The following CREB3L1 variants were observed in gnomAD, a reference collection of about 807,000 sequenced individuals.
The protein encoded by CREB3L1 is cyclic AMP-responsive element-binding protein 3-like protein 1.
Under a neutral mutation model 54.5 loss-of-function variants are expected in CREB3L1, and 33 were observed. The observed-to-expected ratio is 0.61, with a 90% CI of 0.46 to 0.81. The LOEUF (loss-of-function observed/expected upper bound fraction) is 0.81. Among genes scored for constraint, CREB3L1 ranks in the 30% least tolerant of loss-of-function variants. The pLI, the probability that CREB3L1 is intolerant of heterozygous loss-of-function variation, is 0.00. For missense variants in CREB3L1, 656 were observed against 673.3 expected, an observed-to-expected ratio of 0.97 and a Z score of 0.29; for synonymous variants, 284 against 286.4, an observed-to-expected ratio of 0.99 and a Z score of 0.08.
At chr11:46,320,176 G>T in intron 10 of CREB3L1, 88 bp from the exon 11 acceptor site, 1 of 1,388,540 alleles carries the variant, frequency 7.2e-7, no homozygotes, top group Non-Finnish European at 9.7e-7. Flanking sequence ...CAGATCCAGG[G>T]CCTGCGTCCT....
rs1192012397 is a variant in CREB3L1, at chr11:46,312,313, T to C, written c.754-12T>C. 3 of 1,574,732 alleles carry C rather than the reference T, an allele frequency of 1.9e-6. No homozygotes were observed. The highest frequency in any genetic ancestry group is 4.7e-5 in the East Asian group (2 of 42,874). ...TGCCTGGCTCCTAACTACCACATCA[T>C]ACTTCCTACAGAAATTACAGGGGAC... On this transcript the variant is annotated splice_polypyrimidine_tract_variant and intron_variant, in intron 5 of 11. Coordinates refer to ENST00000621158, the MANE Select transcript of CREB3L1 (RefSeq NM_052854.4).
At chr11:46,297,353 C>T (rs1029168747) in intron 1 of CREB3L1, among the ~76,000 whole-genome samples, 1 of 152,246 alleles carries the variant, frequency 6.6e-6, no homozygotes, top group African/African-American at 2.4e-5. Context: ...AATTGGTATG[C>T]TGATGGCATT....
chr11:46,279,364 G>T (rs72910039), intron 1 of CREB3L1, among the ~76,000 whole-genome samples: 3 of 152,034 alleles, frequency 2.0e-5, no homozygotes, highest in Admixed American at 1.3e-4. Context: ...GACAGGAGCC[G>T]GAGTCAAGGA....
At chr11:46,316,521 G>C (rs898341366) in intron 9 of CREB3L1, 136 bp downstream of exon 9, 1 of 638,392 alleles carries the variant, frequency 1.6e-6, no homozygotes, top group Non-Finnish European at 2.8e-6. Context: ...CCTGGCGCCT[G>C]GTGGGCTGGT....
chr11:46,284,397 T>A (rs1351299346), intron 1 of CREB3L1, among the ~76,000 whole-genome samples: 28 of 152,120 alleles, frequency 1.8e-4, no homozygotes, highest in Admixed American at 1.8e-3. Flanking sequence ...ATGCCCATAA[T>A]ACCAACACTT....
rs949473326 is a variant in CREB3L1 at position 46,307,672 on chromosome 11, C to T, written c.332-144C>T. 3 of 575,572 alleles carry T rather than the reference C, an allele frequency of 5.2e-6. No individual in the cohort carries two copies. In the African/African-American group the frequency reaches 5.7e-5, roughly 11 times the overall value. The allele number at this position is 575,572 out of a possible 1,614,324, so 35.7% of individuals were successfully genotyped here. ...CTTCTGGCCCCAGACAACTCCTCCTCACCTCACAACCACCCTCTTTCCTGC... is the reference window on the plus strand; with the variant it reads ...CTTCTGGCCCCAGACAACTCCTCCTTACCTCACAACCACCCTCTTTCCTGC... On this transcript the variant is annotated intron_variant, in intron 2 of 11. Transcript: ENST00000621158.
intron 1 of CREB3L1, among the ~76,000 whole-genome samples, chr11:46,285,365 C>T (rs1939040885): frequency 6.6e-6 from 1 of 152,106 alleles, no homozygotes; most frequent in Non-Finnish European, 1.5e-5. Flanking sequence ...TGAGCTGGAA[C>T]TCTGTGTAAC....
chr11:46,283,581 G>GT (rs1255363757), intron 1 of CREB3L1, among the ~76,000 whole-genome samples: 1 of 152,036 alleles, frequency 6.6e-6, no homozygotes, highest in African/African-American at 2.4e-5. Flanking sequence ...GGGAAAAATT[G>GT]TTTTAAAAAA....
chr11:46,316,564 A>G (rs1389655753), intron 9 of CREB3L1, among the ~76,000 whole-genome samples, 179 bp downstream of exon 9: 4 of 152,092 alleles, frequency 2.6e-5, no homozygotes, highest in East Asian at 1.9e-4. Flanking sequence ...CTCCAAGCCC[A>G]TGGTGCCTTC....
Position 46,290,663 on chromosome 11 carries a change from C to A in CREB3L1, c.103-9272C>A, listed in dbSNP as rs117516871. On this transcript the variant is annotated intron_variant, in intron 1 of 11. Transcript: ENST00000621158. ...TCTGACAATCCCTTCAGAGGACTAA[C>A]AGGGAGCCTGACTGTGGCACGGTGC... Among the ~76,000 whole-genome samples the A allele has an allele frequency of 8.9e-3, 1,357 of 151,954 alleles. 13 individuals are homozygous for A. The highest frequency in any genetic ancestry group is 0.012 in the Non-Finnish European group (839 of 67,970).
intron 3 of CREB3L1, among the ~76,000 whole-genome samples, chr11:46,308,296 C>T (rs990371409): frequency 1.1e-4 from 17 of 152,164 alleles, no homozygotes; most frequent in Non-Finnish European, 2.5e-4. Flanking sequence ...GAGCCCAGTC[C>T]AGGGTCTCAG....
Position 46,315,794 on chromosome 11 carries a change from C to A in CREB3L1, c.1032-492C>A, listed in dbSNP as rs566363189. ...TCGCAAACGCACCACTGCACTCCAG[C>A]CTGGGTGAAAGAGCGAGACTCTGTC... On this transcript the variant is annotated intron_variant, in intron 8 of 11. Transcript: ENST00000621158. The A allele has an allele frequency of 1.1e-3, 194 of 171,830 alleles. 1 individual carries two copies. In the Middle Eastern group the frequency reaches 0.014, roughly 13 times the overall value. 10.6% of individuals were successfully genotyped at this position (171,830 alleles called of 1,614,324 possible). A position where few individuals can be genotyped will look rare whatever the true frequency, so the allele number is the denominator to read the frequency against.
intron 2 of CREB3L1, among the ~76,000 whole-genome samples, chr11:46,301,966 A>G (rs964358607): frequency 6.6e-6 from 1 of 151,620 alleles, no homozygotes; most frequent in African/African-American, 2.4e-5. Flanking sequence ...TAATAATAAT[A>G]CTATCCTGGC....
chr11:46,314,691 AC>A (rs1461640486), intron 8 of CREB3L1, among the ~76,000 whole-genome samples: 1 of 144,554 alleles, frequency 6.9e-6, no homozygotes, highest in Non-Finnish European at 1.5e-5. Flanking sequence ...CATTATTTTT[AC>A]TTTTTTATTT....
chr11:46,301,254 C>T (rs554928286), intron 2 of CREB3L1, among the ~76,000 whole-genome samples: 2 of 151,952 alleles, frequency 1.3e-5, no homozygotes, highest in Non-Finnish European at 2.9e-5. Flanking sequence ...GGCACAAGAA[C>T]TGCTTGAACC....
In CREB3L1 at chr11:46,312,440, C is replaced by T; in HGVS notation, c.869C>T (p.Ala290Val). Residue 290 changes from alanine to valine, a missense_variant, in exon 6 of 12, where the codon GCC becomes GTC. Transcript: ENST00000621158. ...CCCCTCACCAAAGCCGAGGAGAAGG[C>T]CTTGAAGAGAGTCCGGAGGAAAATC... ...KLPLTKAEEK[A>V]LKRVRRKIKN... The T allele has an allele frequency of 6.2e-7, 1 of 1,613,848 alleles. No homozygotes were observed. The highest frequency in any genetic ancestry group is 8.5e-7 in the Non-Finnish European group (1 of 1,179,812).
chr11:46,283,314 G>A lies in CREB3L1; in HGVS notation c.102+5101G>A, dbSNP rs554619536. ...CAGATGGTCTGTACTATCACAAAAAGCAGGAAAGTAAAAATTGTGACACCT... is the reference window on the plus strand; with the variant it reads ...CAGATGGTCTGTACTATCACAAAAAACAGGAAAGTAAAAATTGTGACACCT... On this transcript the variant is annotated intron_variant, in intron 1 of 11. Transcript: ENST00000621158. Among the ~76,000 whole-genome samples, 6 of 152,266 alleles carry A rather than the reference G, an allele frequency of 3.9e-5. 1 individual carries two copies. Among genetic ancestry groups the A allele is most frequent in the African/African-American group, 1.2e-4 (5 of 41,550 alleles).
chr11:46,300,388 G>A (rs1007166327), intron 2 of CREB3L1, among the ~76,000 whole-genome samples: 2 of 152,214 alleles, frequency 1.3e-5, no homozygotes, highest in Admixed American at 1.3e-4. Flanking sequence ...TAAGTCAGTG[G>A]TTTACAAAGT....
chr11:46,283,716 C>T lies in CREB3L1; in HGVS notation c.102+5503C>T, dbSNP rs914104864. ...GCAACACAGAAAGACTCCGTCTCTA[C>T]AAAAAATAAAAAATAAATTATCCAG... On this transcript the variant is annotated intron_variant, in intron 1 of 11. Transcript: ENST00000621158. 4.0e-5 allele frequency among the ~76,000 whole-genome samples: 6 copies of T among 151,872 alleles called. 1 individual carries two copies. The highest frequency in any genetic ancestry group is 3.9e-4 in the East Asian group (2 of 5,188).
Sources: allele counts gnomAD v4.1 joint callset (sites outside exome capture counted in the v4.1 genomes callset), GRCh38; gene constraint gnomAD v4.1.1; transcripts MANE v1.5; gene names NCBI Gene and HGNC (gene_info 2026-07-23, HGNC 2026-07-21).